ZNF169: variants seen among roughly 807,000 people sequenced by gnomAD.
ZNF169 encodes zinc finger protein 169.
ZNF169 carries 11 observed loss-of-function variants against 12.0 expected under a neutral mutation model. That is an observed-to-expected ratio of 0.92 (90% CI 0.58 to 1.52). The LOEUF (loss-of-function observed/expected upper bound fraction) is 1.52, where lower values mean the gene tolerates loss of function less well. ZNF169 is among the 40% of genes most tolerant of loss of function. ZNF169 has a pLI of 0.00. For missense variants in ZNF169, 722 were observed against 744.0 expected, an observed-to-expected ratio of 0.97 and a Z score of 0.34; for synonymous variants, 302 against 286.5, an observed-to-expected ratio of 1.05 and a Z score of -0.55.
chr9:94,281,087 G>A (rs533910695), intron 2 of ZNF169, among the ~76,000 whole-genome samples: 13 of 152,300 alleles, frequency 8.5e-5, no homozygotes, highest in African/African-American at 3.1e-4. Flanking sequence ...AAAAATTGAT[G>A]AAAAGATATA....
chr9:94,266,944 C>G (rs2118549417), intron 1 of ZNF169, among the ~76,000 whole-genome samples: 1 of 145,698 alleles, frequency 6.9e-6, no homozygotes, highest in African/African-American at 2.5e-5. Flanking sequence ...GAGTCTCACT[C>G]TGTCACCAGG....
chr9:94,296,811 T>C (rs1241666318), intron 4 of ZNF169: 1 of 456,628 alleles, frequency 2.2e-6, no homozygotes, highest in South Asian at 1.5e-5. Context: ...TTTGGGAAGC[T>C]TAGGCAGGCG....
At chr9:94,299,702 C>T (rs1053069978) in intron 4 of ZNF169, 113 bp from the exon 5 acceptor site, 6 of 1,477,788 alleles carry the variant, frequency 4.1e-6, no homozygotes, top group Non-Finnish European at 5.4e-6. Context: ...GTAATGTGCC[C>T]TTGTGGGTTG....
intron 2 of ZNF169, among the ~76,000 whole-genome samples, chr9:94,291,018 A>G (rs1192542590): frequency 8.4e-6 from 1 of 118,556 alleles, no homozygotes; most frequent in Non-Finnish European, 1.8e-5. Context: ...TTAAACATCT[A>G]CTCTGATTCT....
intron 2 of ZNF169, among the ~76,000 whole-genome samples, chr9:94,283,912 T>C (rs953740885): frequency 6.7e-6 from 1 of 149,452 alleles, no homozygotes; most frequent in South Asian, 2.1e-4. Context: ...CTACTAAAAA[T>C]ACAAAAAAAA....
intron 1 of ZNF169, among the ~76,000 whole-genome samples, chr9:94,260,643 G>A (rs1159595724): frequency 6.6e-6 from 1 of 152,018 alleles, no homozygotes; most frequent in Non-Finnish European, 1.5e-5. Context: ...TTCTGCAGCT[G>A]TGTGGCTCCC....
chr9:94,300,937 G>A lies in ZNF169; in HGVS notation c.1379G>A (p.Cys460Tyr), dbSNP rs1254130721. Residue 460 changes from cysteine (C) to tyrosine (Y), a missense_variant, in exon 5 of 5, where the codon TGC becomes TAC. Transcript: ENST00000395395. ...RTHTGEKPYLCPDCGRGFGQK... is the reference protein window; with the variant it reads ...RTHTGEKPYLYPDCGRGFGQK... Reference sequence around the variant, plus strand: ...CACACAGGGGAGAAGCCCTACCTGTGCCCTGATTGTGGGCGTGGCTTTGGT... The same window carrying A: ...CACACAGGGGAGAAGCCCTACCTGTACCCTGATTGTGGGCGTGGCTTTGGT... 4 of 1,613,528 alleles carry A rather than the reference G, an allele frequency of 2.5e-6. No individual in the cohort carries two copies. The highest frequency in any genetic ancestry group is 3.3e-5 in the Admixed American group (2 of 59,928).
chr9:94,288,217 C>T (rs1830754916), intron 2 of ZNF169: 1 of 815,138 alleles, frequency 1.2e-6, no homozygotes, highest in Non-Finnish European at 2.2e-6. Flanking sequence ...TTGATTTTAG[C>T]ATTTTTTTCC....
chr9:94,262,329 A>AAACTC lies in ZNF169; in HGVS notation c.-56+2985_-56+2986insACTCA, dbSNP rs1435537109. Among the ~76,000 whole-genome samples, 124 of 152,308 alleles carry AAACTC rather than the reference A, an allele frequency of 8.1e-4. 2 individuals are homozygous for AAACTC. Among genetic ancestry groups the AAACTC allele is most frequent in the Admixed American group, 3.5e-3 (53 of 15,298 alleles). ...TGGAGGATAGAAACTCAGATGGGAAAAGGGGGTTAGGCTATTACTGGGGAA... is the reference window on the plus strand; with the variant it reads ...TGGAGGATAGAAACTCAGATGGGAAAAACTCAGGGGGTTAGGCTATTACTGGGGAA... On this transcript the variant is annotated intron_variant, in intron 1 of 4. Coordinates refer to ENST00000395395, the MANE Select transcript of ZNF169 (RefSeq NM_194320.4).
chr9:94,280,331 G>T (rs971062455), intron 2 of ZNF169, among the ~76,000 whole-genome samples: 2 of 152,088 alleles, frequency 1.3e-5, no homozygotes, highest in African/African-American at 2.4e-5. Flanking sequence ...TTTCTTCCGT[G>T]TGTTGCACTT....
chr9:94,264,659 A>G (rs989746001), intron 1 of ZNF169, among the ~76,000 whole-genome samples: 1 of 152,208 alleles, frequency 6.6e-6, no homozygotes, highest in Non-Finnish European at 1.5e-5. Context: ...TTTAAAAATC[A>G]GATTTATTAC....
rs550152975 is a variant in ZNF169, at chr9:94,283,271, T to C, written c.33+4426T>C. ...TAAAAACACAAAAATTAGCTGGGCA[T>C]GTGGCATGCGCCTGTAGTCCCAGCT... On this transcript the variant is annotated intron_variant, in intron 2 of 4. Transcript: ENST00000395395. Among the ~76,000 whole-genome samples the C allele has an allele frequency of 5.3e-5, 8 of 152,172 alleles. No homozygotes were observed. In the South Asian group the frequency reaches 1.5e-3, roughly 28 times the overall value.
At chr9:94,296,784 G>A in intron 4 of ZNF169, 1 of 456,892 alleles carries the variant, frequency 2.2e-6, no homozygotes, top group Non-Finnish European at 4.4e-6. Context: ...TGAACTCACT[G>A]TAAATCCTCC....
At chr9:94,270,804 ATAT>A (rs1258321687) in intron 1 of ZNF169, among the ~76,000 whole-genome samples, 5 of 30,670 alleles carry the variant, frequency 1.6e-4, no homozygotes, top group South Asian at 1.1e-3. Context: ...AATAATATAT[ATAT>A]TATATTATAT....
chr9:94,264,683 T>G (rs1252310370), intron 1 of ZNF169, among the ~76,000 whole-genome samples: 1 of 152,206 alleles, frequency 6.6e-6, no homozygotes, highest in Non-Finnish European at 1.5e-5. Flanking sequence ...ATCACAACTC[T>G]TAAGTGTACA....
In ZNF169 at chr9:94,300,119, C is replaced by T. The variant is rs1020022414; in HGVS notation, c.561C>T (p.Arg187=). The change falls in exon 5 of 5, where the codon CGC becomes CGT. Residue 187 remains arginine (R), a synonymous_variant. Coordinates refer to ENST00000395395, the MANE Select transcript of ZNF169 (RefSeq NM_194320.4). ...ACAGAGAAGGAGGAACAGACCTTCGCCTGGCCCAAAGGATGAGTCTTGGGG... is the reference window on the plus strand; with the variant it reads ...ACAGAGAAGGAGGAACAGACCTTCGTCTGGCCCAAAGGATGAGTCTTGGGG... ...EGNREGGTDL[R]LAQRMSLGGS... is the part of the protein sequence containing the mutation. 3 of 1,614,146 alleles carry T rather than the reference C, an allele frequency of 1.9e-6. No individual in the cohort carries two copies. Among genetic ancestry groups the T allele is most frequent in the Non-Finnish European group, 2.5e-6 (3 of 1,180,036 alleles).
chr9:94,291,849 C>T (rs757530404), intron 2 of ZNF169, among the ~76,000 whole-genome samples: 1 of 152,128 alleles, frequency 6.6e-6, no homozygotes, highest in Non-Finnish European at 1.5e-5. Flanking sequence ...GAGAGACATA[C>T]TGTGTTTATG....
intron 4 of ZNF169, chr9:94,296,721 T>C (rs1830958526): frequency 4.4e-6 from 2 of 456,816 alleles, no homozygotes; most frequent in South Asian, 1.5e-5. Context: ...ACTCCTCTGT[T>C]AGTGTCTCTA....
In ZNF169 at chr9:94,267,041, TG is replaced by T. The variant is rs561780473; in HGVS notation, c.-56+7699del. 5.9e-5 allele frequency among the ~76,000 whole-genome samples: 9 copies of T among 152,236 alleles called. 1 individual carries two copies. In the South Asian group the frequency reaches 1.9e-3, roughly 32 times the overall value. On this transcript the variant is annotated intron_variant, in intron 1 of 4. Coordinates refer to ENST00000395395, the MANE Select transcript of ZNF169 (RefSeq NM_194320.4). ...CTCCTGCCTCAGCCTTCCGAGTAGC[TG>T]GGACTACAGGCGAGCGCCACCACGC...
Sources: gnomAD v4.1 joint callset for allele counts (sites outside exome capture counted in the v4.1 genomes callset) on GRCh38, gnomAD v4.1.1 for gene constraint, MANE v1.5 for transcripts, NCBI Gene and HGNC (gene_info 2026-07-23, HGNC 2026-07-21) for gene names.